The following KIAA1549 variants were observed in gnomAD, a reference collection of about 807,000 sequenced individuals.
The protein encoded by KIAA1549 is UPF0606 protein KIAA1549.
A neutral mutation model predicts 156.4 loss-of-function variants in KIAA1549; 70 were observed. The observed-to-expected ratio is 0.45, with a 90% confidence interval of 0.37 to 0.55. KIAA1549 has a LOEUF of 0.55. KIAA1549 is among the 20% of genes least tolerant of loss of function. The pLI is 0.00. For missense variants in KIAA1549, 2,428 were observed against 2,540.9 expected, an observed-to-expected ratio of 0.96 and a Z score of 0.96; for synonymous variants, 1,103 against 1,066.4, an observed-to-expected ratio of 1.03 and a Z score of -0.67.
rs992933402 is a variant in KIAA1549 at position 138,944,467 on chromosome 7, A to G, written c.188-25029T>C. 5.3e-5 allele frequency among the ~76,000 whole-genome samples: 8 copies of G among 152,326 alleles called. No individual in the cohort carries two copies. In the East Asian group the frequency reaches 1.5e-3, roughly 29 times the overall value. On this transcript the variant is annotated intron_variant, in intron 1 of 19. Transcript: ENST00000422774. ...TACACAGCTGGTGCTTCCACTGTGG[A>G]AAAGAGTTTGGCGGGGATCTGGTCT...
At chr7:138,909,522 T>C (rs1812108727) in intron 4 of KIAA1549, among the ~76,000 whole-genome samples, 1 of 152,222 alleles carries the variant, frequency 6.6e-6, no homozygotes, top group African/African-American at 2.4e-5. Flanking sequence ...AGGGGATAGA[T>C]GAAACAAAAT....
intron 15 of KIAA1549, among the ~76,000 whole-genome samples, chr7:138,865,728 G>A (rs1274655152): frequency 1.3e-5 from 2 of 152,166 alleles, no homozygotes; most frequent in Non-Finnish European, 2.9e-5. Flanking sequence ...AAACGATGCT[G>A]CAAAGCTACC....
intron 12 of KIAA1549, 136 bp from the exon 13 acceptor site, chr7:138,871,498 A>G: frequency 1.5e-6 from 1 of 651,676 alleles, no homozygotes; most frequent in Non-Finnish European, 2.5e-6. Flanking sequence ...GCAGTAGCAG[A>G]GTGTTTACAA....
chr7:138,957,188 C>T (rs927343400), intron 1 of KIAA1549, among the ~76,000 whole-genome samples: 4 of 150,040 alleles, frequency 2.7e-5, no homozygotes, highest in Admixed American at 6.7e-5. Flanking sequence ...CAGAGCAATA[C>T]GGTTAACAGG....
chr7:138,868,092 T>C lies in KIAA1549; in HGVS notation c.4812A>G (p.Lys1604=). 1.2e-6 allele frequency: 2 copies of C among 1,613,836 alleles called. No homozygotes were observed. The highest frequency in any genetic ancestry group is 1.7e-6 in the Non-Finnish European group (2 of 1,179,844). ...CGGCAGGACAGCCGTTGACCTGGTG[T>C]TTCCGGCGAGGCTTGGGAGAACGTT... The part of the protein sequence containing the change: ...RIKRSPKPRR[K]HQVNGCPADA... Residue 1604 remains lysine (K), a synonymous_variant, in exon 15 of 20, where the codon AAA becomes AAG. Transcript: ENST00000422774.
At chr7:138,907,189 C>G in intron 5 of KIAA1549, 87 bp from the exon 6 acceptor site, 1 of 1,157,332 alleles carries the variant, frequency 8.6e-7, no homozygotes, top group Non-Finnish European at 1.2e-6. Flanking sequence ...GGTCCTCTCA[C>G]CGATTTTTTT....
intron 6 of KIAA1549, among the ~76,000 whole-genome samples, chr7:138,906,652 G>C (rs930560049): frequency 2.6e-5 from 4 of 152,112 alleles, no homozygotes; most frequent in Non-Finnish European, 5.9e-5. Flanking sequence ...TTGGAGACTT[G>C]GGGGGAAGAG....
At chr7:138,960,308 T>C (rs1813802705) in intron 1 of KIAA1549, among the ~76,000 whole-genome samples, 1 of 151,712 alleles carries the variant, frequency 6.6e-6, no homozygotes, top group Non-Finnish European at 1.5e-5. Flanking sequence ...TATTGATTTA[T>C]TTATTTATTT....
chr7:138,956,991 T>G (rs937489400), intron 1 of KIAA1549, among the ~76,000 whole-genome samples: 1 of 152,166 alleles, frequency 6.6e-6, no homozygotes, highest in African/African-American at 2.4e-5. Flanking sequence ...AGAGTTATAA[T>G]AGGGACGCAC....
At chr7:138,890,955 G>A (rs1425708412) in intron 10 of KIAA1549, among the ~76,000 whole-genome samples, 1 of 152,120 alleles carries the variant, frequency 6.6e-6, no homozygotes, top group Non-Finnish European at 1.5e-5. Context: ...AGCTTCCTGA[G>A]CTGCCCTCCG....
rs1811246712 is a variant in KIAA1549 at position 138,881,587 on chromosome 7, G to A, written c.4033-3C>T. On this transcript the variant is annotated splice_region_variant and splice_polypyrimidine_tract_variant and intron_variant, in intron 10 of 19. Transcript: ENST00000422774. ...CCCTTCACACTAGGGATCTGCAGCT[G>A]AAACATACACACACACAAACAAGAT... 2.5e-6 allele frequency: 4 copies of A among 1,610,088 alleles called. No individual in the cohort carries two copies. The East Asian group carries it at 8.9e-5, about 36-fold the overall frequency.
At chr7:138,956,308 G>A (rs583749) in intron 1 of KIAA1549, among the ~76,000 whole-genome samples, 64,372 of 152,040 alleles carry the variant, frequency 0.42, 16,812 homozygotes, top group African/African-American at 0.75. Context: ...GGAGAAAGCA[G>A]CTAAGGGGAA....
intron 1 of KIAA1549, among the ~76,000 whole-genome samples, chr7:138,968,315 GC>G (rs1410733594): frequency 1.3e-5 from 2 of 152,044 alleles, no homozygotes; most frequent in South Asian, 4.2e-4. Context: ...TAACAAACCT[GC>G]ACGTCCTGCA....
chr7:138,914,902 T>G (rs1253200372), intron 2 of KIAA1549, among the ~76,000 whole-genome samples: 1 of 152,192 alleles, frequency 6.6e-6, no homozygotes, highest in African/African-American at 2.4e-5. Flanking sequence ...TAAAGAAGCT[T>G]TCAGTGACTC....
chr7:138,903,748 T>C lies in KIAA1549; in HGVS notation c.3521-12A>G, dbSNP rs1281359040. On this transcript the variant is annotated splice_polypyrimidine_tract_variant and intron_variant, in intron 7 of 19. Coordinates refer to ENST00000422774, the MANE Select transcript of KIAA1549 (RefSeq NM_001164665.2). The stretch of plus-strand genomic sequence containing the variant: ...GACGCCCAGGAGAACTACATTTAAA[T>C]GAAAACATACGTGGCACCCAAAACA... 1 of 1,569,096 alleles carries C rather than the reference T, an allele frequency of 6.4e-7. No homozygotes were observed. The highest frequency in any genetic ancestry group is 1.9e-5 in the Admixed American group (1 of 53,428).
At chr7:138,899,181 A>T (rs190345744) in intron 8 of KIAA1549, 49 bp from the exon 9 acceptor site, 1 of 1,549,076 alleles carries the variant, frequency 6.5e-7, no homozygotes, top group South Asian at 1.1e-5. Context: ...ATGTTTCTAG[A>T]TGCCCTCTCT....
chr7:138,956,978 G>A (rs1813684293), intron 1 of KIAA1549, among the ~76,000 whole-genome samples: 1 of 152,156 alleles, frequency 6.6e-6, no homozygotes. Flanking sequence ...TAACACAGTG[G>A]TCAGAGTTAT....
rs935502785 is a variant in KIAA1549, at chr7:138,859,005, C to CAA, written c.5247+2132_5247+2133dup. Among the ~76,000 whole-genome samples, 25 of 106,112 alleles carry CAA rather than the reference C, an allele frequency of 2.4e-4. No homozygotes were observed. The East Asian group carries it at 6.4e-3, about 27-fold the overall frequency. 69.6% of individuals were successfully genotyped at this position (106,112 alleles called of 152,430 possible). A position where few individuals can be genotyped will look rare whatever the true frequency, so the allele number is the denominator to read the frequency against. On this transcript the variant is annotated intron_variant, in intron 16 of 19. Coordinates refer to ENST00000422774, the MANE Select transcript of KIAA1549 (RefSeq NM_001164665.2). ...TGGGTGACAGAGCGAGACTCCATCT[C>CAA]AAAACACACACACACACACACACAC...
Position 138,943,203 on chromosome 7 carries a change from G to T in KIAA1549, c.188-23765C>A, listed in dbSNP as rs1813234509. ...CAGAGTGTTTGCTTTGTGCCCAGATGCGTCACGAGTCCCCCTCGAGTCCCA... is the reference window on the plus strand; with the variant it reads ...CAGAGTGTTTGCTTTGTGCCCAGATTCGTCACGAGTCCCCCTCGAGTCCCA... On this transcript the variant is annotated intron_variant, in intron 1 of 19. Coordinates refer to ENST00000422774, the MANE Select transcript of KIAA1549 (RefSeq NM_001164665.2). 2.6e-5 allele frequency among the ~76,000 whole-genome samples: 4 copies of T among 152,320 alleles called. No homozygotes were observed. The South Asian group carries it at 8.3e-4, about 32-fold the overall frequency.
Sources: gnomAD v4.1 joint callset for allele counts (sites outside exome capture counted in the v4.1 genomes callset) on GRCh38, gnomAD v4.1.1 for gene constraint, MANE v1.5 for transcripts, NCBI Gene and HGNC (gene_info 2026-07-23, HGNC 2026-07-21) for gene names.